The following SV2C variants were observed in gnomAD, a reference collection of about 807,000 sequenced individuals.
SV2C encodes the protein solute carrier family 22 member B3.
SV2C carries 49 observed loss-of-function variants against 79.7 expected under a neutral mutation model. The observed-to-expected ratio is 0.61, with a 90% CI of 0.49 to 0.78. The LOEUF is 0.78. Ranked by LOEUF, SV2C falls within the 30% of genes least tolerant of loss-of-function variation. SV2C has a pLI of 0.00. For synonymous variants in SV2C, 334 were observed against 333.2 expected, an observed-to-expected ratio of 1.00 and a Z score of -0.03; for missense variants, 833 against 912.9, an observed-to-expected ratio of 0.91 and a Z score of 1.13.
At chr5:76,192,523 C>T (rs1744135113) in intron 2 of SV2C, among the ~76,000 whole-genome samples, 1 of 152,146 alleles carries the variant, frequency 6.6e-6, no homozygotes, top group South Asian at 2.1e-4. Context: ...TTTTCAAGGA[C>T]TCCCCGTTAT....
At chr5:76,212,475 T>C (rs909454699) in intron 4 of SV2C, among the ~76,000 whole-genome samples, 2 of 152,044 alleles carry the variant, frequency 1.3e-5, no homozygotes, top group African/African-American at 2.4e-5. Context: ...TTTTCTTTTT[T>C]TTTTTTTAAT....
chr5:76,118,908 A>G (rs1269423184), intron 1 of SV2C, among the ~76,000 whole-genome samples: 1 of 152,182 alleles, frequency 6.6e-6, no homozygotes, highest in Non-Finnish European at 1.5e-5. Context: ...GCTTGAACCC[A>G]GGAGGTAGAG....
chr5:76,195,686 T>C (rs1236361008), intron 3 of SV2C, among the ~76,000 whole-genome samples: 2 of 152,174 alleles, frequency 1.3e-5, no homozygotes, highest in African/African-American at 4.8e-5. Context: ...AAAGCACTTA[T>C]AACTATACTA....
At chr5:76,339,235 T>C (rs924422544) in intron 12 of SV2C, among the ~76,000 whole-genome samples, 2 of 152,126 alleles carry the variant, frequency 1.3e-5, no homozygotes, top group Non-Finnish European at 2.9e-5. Flanking sequence ...TCCAGAAAAA[T>C]AACAATCCTT....
intron 1 of SV2C, among the ~76,000 whole-genome samples, chr5:76,103,546 A>G (rs1324050076): frequency 6.6e-6 from 1 of 152,250 alleles, no homozygotes; most frequent in Non-Finnish European, 1.5e-5. Flanking sequence ...ATGGGTTTGC[A>G]TGTCAGCCTA....
intron 4 of SV2C, among the ~76,000 whole-genome samples, chr5:76,262,038 C>T (rs1746486823): frequency 6.6e-6 from 1 of 152,092 alleles, no homozygotes; most frequent in African/African-American, 2.4e-5. Context: ...CCTCTTTGTA[C>T]CTCTGATAGA....
chr5:76,001,239 G>GCAGAGGGTGGCT, the SV2C span, among the ~76,000 whole-genome samples: 4 of 152,174 alleles, frequency 2.6e-5, no homozygotes, highest in Non-Finnish European at 4.4e-5. Flanking sequence ...GCTGCAGGGA[G>GCAGAGGGTGGCT]CAGAGGGTGG....
chr5:76,340,263 G>A (rs1003607390), intron 12 of SV2C, among the ~76,000 whole-genome samples: 2 of 152,180 alleles, frequency 1.3e-5, no homozygotes, highest in African/African-American at 2.4e-5. Flanking sequence ...TAGCATATAA[G>A]TAAGAAATAA....
At chr5:76,178,824 T>C (rs1019359060) in intron 2 of SV2C, among the ~76,000 whole-genome samples, 1 of 152,360 alleles carries the variant, frequency 6.6e-6, no homozygotes, top group Non-Finnish European at 1.5e-5. Context: ...ATGCCACTTA[T>C]ACTTTCTTGG....
chr5:75,972,750 A>G, the SV2C span, among the ~76,000 whole-genome samples: 170 of 152,240 alleles, frequency 1.1e-3, 2 homozygotes, highest in Non-Finnish European at 2.2e-4. Flanking sequence ...TAGTTCAACC[A>G]TTGTGGAAGT....
the SV2C span, among the ~76,000 whole-genome samples, chr5:76,057,235 GT>G: frequency 2.0e-5 from 3 of 150,756 alleles, no homozygotes; most frequent in African/African-American, 7.3e-5. Flanking sequence ...TAAGTTTTTT[GT>G]TTTTTTTTAT....
chr5:76,111,767 G>A (rs141214689), intron 1 of SV2C, among the ~76,000 whole-genome samples: 4 of 152,204 alleles, frequency 2.6e-5, no homozygotes, highest in African/African-American at 4.8e-5. Context: ...AGTCATGTTT[G>A]TTGGCAAGAG....
At chr5:76,079,482 G>C (rs1404594763), upstream of SV2C, 2 of 283,268 alleles carry the variant, frequency 7.1e-6, no homozygotes, top group South Asian at 4.7e-5. Flanking sequence ...GAATTGGATT[G>C]TGTGACTAAC....
At chr5:76,119,558 A>G (rs1045934063) in intron 1 of SV2C, among the ~76,000 whole-genome samples, 3 of 152,154 alleles carry the variant, frequency 2.0e-5, no homozygotes, top group Non-Finnish European at 4.4e-5. Context: ...GAGGTAGGAA[A>G]TATCACCCAC....
Position 76,175,798 on chromosome 5 carries a change from G to T in SV2C, c.581-19121G>T, listed in dbSNP as rs184443141. On this transcript the variant is annotated intron_variant, in intron 2 of 12. Coordinates refer to ENST00000502798, the MANE Select transcript of SV2C (RefSeq NM_014979.4). ...CCAAGGGTTTAACAAGTCAGAGTCT[G>T]TTTGGGAAAGCCAGCGTGTGTGTCC... Among the ~76,000 whole-genome samples, 5 of 152,292 alleles carry T rather than the reference G, an allele frequency of 3.3e-5. No individual in the cohort carries two copies. The East Asian group carries it at 7.7e-4, about 23-fold the overall frequency.
At chr5:75,981,697 C>T in the SV2C span, among the ~76,000 whole-genome samples, 1 of 152,088 alleles carries the variant, frequency 6.6e-6, no homozygotes, top group Non-Finnish European at 1.5e-5. Context: ...CTTTCCCTTA[C>T]ACCATTTACA....
intron 2 of SV2C, among the ~76,000 whole-genome samples, chr5:76,156,039 G>A (rs1742715451): frequency 6.6e-6 from 1 of 151,702 alleles, no homozygotes; most frequent in South Asian, 2.1e-4. Flanking sequence ...TTAAGTTGTA[G>A]GCCAGCTAGT....
chr5:75,900,780 A>G, the SV2C span, among the ~76,000 whole-genome samples: 5 of 151,972 alleles, frequency 3.3e-5, no homozygotes, highest in African/African-American at 1.2e-4. Flanking sequence ...GGCTTTGTTC[A>G]TTTCTTTTTA....
At chr5:75,891,656 A>G in the SV2C span, among the ~76,000 whole-genome samples, 2 of 152,164 alleles carry the variant, frequency 1.3e-5, no homozygotes, top group Non-Finnish European at 2.9e-5. Flanking sequence ...AACAGATGGC[A>G]TGAAATAGAA....
Sources: gnomAD v4.1 joint callset for allele counts (sites outside exome capture counted in the v4.1 genomes callset) on GRCh38, gnomAD v4.1.1 for gene constraint, MANE v1.5 for transcripts, NCBI Gene and HGNC (gene_info 2026-07-23, HGNC 2026-07-21) for gene names.